Variants in WDR7 observed in about 807,000 individuals in gnomAD.
WDR7 encodes the protein WD repeat domain 7, also known as WD repeat-containing protein 7.
A neutral mutation model predicts 169.4 loss-of-function variants in WDR7; 46 were observed. The ratio of observed to expected loss-of-function variants is 0.27; its 90% CI spans 0.21 to 0.35. WDR7 has a LOEUF of 0.35. Among genes scored for constraint, WDR7 ranks in the 10% least tolerant of loss-of-function variants. WDR7 has a pLI of 1.00. For synonymous variants in WDR7, 612 were observed against 666.8 expected (o/e 0.92, Z 1.27); for missense variants, 1,534 against 1,859.3 (o/e 0.83, Z 3.22).
intron 22 of WDR7, among the ~76,000 whole-genome samples, chr18:56,929,670 T>C (rs1441116467): frequency 6.6e-6 from 1 of 152,220 alleles, no homozygotes; most frequent in Non-Finnish European, 1.5e-5. Context: ...AGTGATTCAC[T>C]GGTAAAATCT....
At chr18:56,873,278 C>T (rs2045977265) in intron 20 of WDR7, among the ~76,000 whole-genome samples, 1 of 152,178 alleles carries the variant, frequency 6.6e-6, no homozygotes, top group Non-Finnish European at 1.5e-5. Context: ...TTAAACTACA[C>T]CAAGTGATGT....
intron 26 of WDR7, among the ~76,000 whole-genome samples, chr18:57,011,082 T>C (rs961400776): frequency 1.3e-5 from 2 of 152,250 alleles, no homozygotes; most frequent in African/African-American, 4.8e-5. Context: ...AAAAAACTTA[T>C]TAGGAATGTC....
intron 21 of WDR7, among the ~76,000 whole-genome samples, chr18:56,886,107 A>G (rs1233582586): frequency 1.3e-5 from 2 of 152,210 alleles, no homozygotes; most frequent in Admixed American, 6.5e-5. Flanking sequence ...AGATCTAGAC[A>G]TCCAAATACA....
At chr18:57,001,301 G>T (rs1415934085) in intron 26 of WDR7, among the ~76,000 whole-genome samples, 1 of 152,054 alleles carries the variant, frequency 6.6e-6, no homozygotes, top group East Asian at 1.9e-4. Context: ...TACAGGAAAG[G>T]CATCCTTACC....
At chr18:56,759,280 A>G (rs1599022093) in intron 16 of WDR7, among the ~76,000 whole-genome samples, 1 of 152,182 alleles carries the variant, frequency 6.6e-6, no homozygotes, top group East Asian at 1.9e-4. Flanking sequence ...ATTTTAAACT[A>G]CATTTATAAA....
chr18:56,696,629 C>T (rs911887361), intron 12 of WDR7, 167 bp downstream of exon 12: 24 of 601,126 alleles, frequency 4.0e-5, no homozygotes, highest in African/African-American at 3.0e-4. Context: ...GGCAAAGTTA[C>T]GGCCACTAAC....
At chr18:56,889,584 A>G (rs1353364064) in intron 21 of WDR7, among the ~76,000 whole-genome samples, 1 of 152,224 alleles carries the variant, frequency 6.6e-6, no homozygotes, top group Non-Finnish European at 1.5e-5. Context: ...TTGTGCAGAC[A>G]ATAAATTGAG....
At chr18:56,818,665 G>T (rs534468326) in intron 20 of WDR7, among the ~76,000 whole-genome samples, 1 of 152,248 alleles carries the variant, frequency 6.6e-6, no homozygotes, top group South Asian at 2.1e-4. Context: ...TTTTGTGAGG[G>T]TTTAGAAGAA....
chr18:56,732,479 G>T (rs1419946987), intron 14 of WDR7, among the ~76,000 whole-genome samples: 1 of 152,088 alleles, frequency 6.6e-6, no homozygotes, highest in Non-Finnish European at 1.5e-5. Context: ...ATAGTAAAGG[G>T]GTTGAAAGGC....
intron 20 of WDR7, among the ~76,000 whole-genome samples, chr18:56,877,209 A>G (rs1256821015): frequency 6.6e-6 from 1 of 152,186 alleles, no homozygotes; most frequent in Non-Finnish European, 1.5e-5. Context: ...CCATACCAAT[A>G]AATTTGAAAA....
At chr18:56,925,595 C>T (rs998621449) in intron 22 of WDR7, among the ~76,000 whole-genome samples, 4 of 152,110 alleles carry the variant, frequency 2.6e-5, no homozygotes, top group African/African-American at 9.7e-5. Context: ...GAGTTCTTAG[C>T]CCTTTGCTTT....
chr18:56,652,692 G>A (rs980577270), intron 1 of WDR7, among the ~76,000 whole-genome samples: 2 of 152,004 alleles, frequency 1.3e-5, no homozygotes, highest in African/African-American at 4.8e-5. Flanking sequence ...TGTCAATTAG[G>A]GATTATGGTA....
chr18:56,715,605 A>T (rs1262237617), intron 12 of WDR7, among the ~76,000 whole-genome samples: 1 of 152,096 alleles, frequency 6.6e-6, no homozygotes, highest in Non-Finnish European at 1.5e-5. Flanking sequence ...AGGCTGAGGC[A>T]GGCGGATTGC....
At chr18:56,861,986 T>G (rs537358631) in intron 20 of WDR7, among the ~76,000 whole-genome samples, 67 of 152,154 alleles carry the variant, frequency 4.4e-4, no homozygotes, top group African/African-American at 1.5e-3. Flanking sequence ...TTATATAAAT[T>G]GATGTTTAAG....
At chr18:56,996,355 G>T (rs1038207018) in intron 26 of WDR7, among the ~76,000 whole-genome samples, 1 of 152,110 alleles carries the variant, frequency 6.6e-6, no homozygotes, top group African/African-American at 2.4e-5. Flanking sequence ...GAAGAAATAA[G>T]GGATTCATCT....
chr18:56,738,594 C>T (rs1242769839), intron 14 of WDR7, among the ~76,000 whole-genome samples: 2 of 152,064 alleles, frequency 1.3e-5, no homozygotes, highest in East Asian at 1.9e-4. Context: ...TTCAGTCTCT[C>T]ACATGATAAC....
intron 10 of WDR7, 73 bp from the exon 11 acceptor site, chr18:56,694,877 A>G: frequency 6.5e-7 from 1 of 1,548,436 alleles, no homozygotes; most frequent in Non-Finnish European, 8.7e-7. Flanking sequence ...ATCAATCAAC[A>G]TTATTTTAAT....
chr18:56,797,005 A>G (rs537803207), intron 19 of WDR7, among the ~76,000 whole-genome samples: 2 of 152,144 alleles, frequency 1.3e-5, no homozygotes, highest in Non-Finnish European at 2.9e-5. Context: ...TCCATCAGGT[A>G]CTGGCTCACA....
intron 21 of WDR7, among the ~76,000 whole-genome samples, chr18:56,913,180 T>A (rs1192207282): frequency 6.6e-6 from 1 of 152,112 alleles, no homozygotes; most frequent in African/African-American, 2.4e-5. Flanking sequence ...AACCTAATTT[T>A]AATTCTAGTG....
Sources: allele counts gnomAD v4.1 joint callset (sites outside exome capture counted in the v4.1 genomes callset), GRCh38; gene constraint gnomAD v4.1.1; transcripts MANE v1.5; gene names NCBI Gene and HGNC (gene_info 2026-07-23, HGNC 2026-07-21).